KSR2: variants seen among roughly 807,000 people sequenced by gnomAD.
The protein encoded by KSR2 is kinase suppressor of ras 2.
KSR2 carries 25 observed loss-of-function variants against 107.8 expected under a neutral mutation model. That is an observed-to-expected ratio of 0.23 (90% CI 0.17 to 0.32). The LOEUF is 0.32. Ranked by LOEUF, KSR2 falls within the 10% of genes least tolerant of loss-of-function variation. The probability of loss-of-function intolerance (pLI) is 1.00; values close to 1 mark genes in which losing one functional copy is unlikely to be tolerated. For missense variants in KSR2, 887 were observed against 1,268.9 expected (o/e 0.70, Z 4.57); for synonymous variants, 480 against 507.0 (o/e 0.95, Z 0.71).
intron 14 of KSR2, 54 bp from the exon 15 acceptor site, chr12:117,485,745 C>T (rs1872427589): frequency 8.2e-7 from 1 of 1,222,120 alleles, no homozygotes; most frequent in Admixed American, 1.7e-5. Context: ...AAGAAGGTGA[C>T]CCACAACAGT....
At chr12:117,531,740 TC>T (rs1309701550) in intron 10 of KSR2, 33 bp from the exon 11 acceptor site, 15 of 1,576,190 alleles carry the variant, frequency 9.5e-6, no homozygotes, top group South Asian at 1.2e-5. Flanking sequence ...AAAGTGAGTG[TC>T]CCCAGGGAGA....
chr12:117,942,306 G>T (rs769847811), intron 1 of KSR2, among the ~76,000 whole-genome samples: 1 of 151,810 alleles, frequency 6.6e-6, no homozygotes. Flanking sequence ...AGCCTACTGC[G>T]CTATCAAACA....
At chr12:117,922,926 G>A (rs1352737546) in intron 1 of KSR2, among the ~76,000 whole-genome samples, 1 of 152,180 alleles carries the variant, frequency 6.6e-6, no homozygotes, top group East Asian at 1.9e-4. Context: ...ACGGTCATCT[G>A]GGGACATACG....
intron 1 of KSR2, among the ~76,000 whole-genome samples, chr12:117,924,939 C>G (rs142999563): frequency 1.3e-5 from 2 of 152,156 alleles, no homozygotes; most frequent in African/African-American, 4.8e-5. Context: ...TTTTAAAAGG[C>G]CTTACCTGTT....
chr12:117,472,657 T>C (rs1871533106), intron 17 of KSR2, among the ~76,000 whole-genome samples: 2 of 152,166 alleles, frequency 1.3e-5, no homozygotes, highest in South Asian at 4.1e-4. Flanking sequence ...GACAACCTTA[T>C]ACCTCTGGGC....
intron 4 of KSR2, among the ~76,000 whole-genome samples, chr12:117,753,854 C>G (rs979207880): frequency 1.3e-5 from 2 of 150,906 alleles, no homozygotes; most frequent in African/African-American, 4.9e-5. Context: ...ACAAGAACAT[C>G]AGCACATATT....
At chr12:117,800,928 A>T (rs1890811668) in intron 3 of KSR2, among the ~76,000 whole-genome samples, 1 of 151,930 alleles carries the variant, frequency 6.6e-6, no homozygotes, top group Non-Finnish European at 1.5e-5. Context: ...AAGGACATGA[A>T]CTCATTTTTT....
At chr12:117,559,153 G>C (rs1172744429) in intron 7 of KSR2, among the ~76,000 whole-genome samples, 1 of 152,226 alleles carries the variant, frequency 6.6e-6, no homozygotes, top group Admixed American at 6.5e-5. Flanking sequence ...TCTGGGTGCT[G>C]TGGATACCAA....
chr12:117,830,578 A>C (rs932252490), intron 3 of KSR2, among the ~76,000 whole-genome samples: 3 of 152,198 alleles, frequency 2.0e-5, no homozygotes, highest in Non-Finnish European at 4.4e-5. Context: ...GGAACACTGA[A>C]AAGGAGAGAG....
intron 14 of KSR2, among the ~76,000 whole-genome samples, chr12:117,502,524 G>A (rs1290177852): frequency 6.6e-6 from 1 of 152,096 alleles, no homozygotes; most frequent in African/African-American, 2.4e-5. Context: ...GGAATGACTG[G>A]TAATGGGTAT....
chr12:117,954,244 C>T (rs772101461), intron 1 of KSR2, among the ~76,000 whole-genome samples: 7 of 152,158 alleles, frequency 4.6e-5, no homozygotes, highest in Non-Finnish European at 7.3e-5. Context: ...TGAAGGGTCC[C>T]CCCTACCTTT....
At chr12:117,932,269 A>T (rs1346914119) in intron 1 of KSR2, among the ~76,000 whole-genome samples, 2 of 152,154 alleles carry the variant, frequency 1.3e-5, no homozygotes, top group Non-Finnish European at 2.9e-5. Flanking sequence ...CTTGGGTGAC[A>T]AAAGCAAGAC....
At chr12:117,885,784 A>G (rs1000332201) in intron 1 of KSR2, among the ~76,000 whole-genome samples, 1 of 152,018 alleles carries the variant, frequency 6.6e-6, no homozygotes, top group Admixed American at 6.6e-5. Context: ...GCAAACCACC[A>G]TGACACACAT....
chr12:117,860,335 G>T lies in KSR2; in HGVS notation c.277C>A (p.Arg93=). Residue 93 remains arginine (R), a synonymous_variant, in exon 2 of 20, where the codon CGG becomes AGG. Coordinates refer to ENST00000339824, the MANE Select transcript of KSR2 (RefSeq NM_173598.6). ...ACATCGACGATTCGGAACCAGTGCC[G>T]TAGCTGGGGGAAGCCGTCCAGCTCC... The part of the protein sequence containing the change: ...NAELDGFPQL[R]HWFRIVDVRK... 1.2e-6 allele frequency: 2 copies of T among 1,613,800 alleles called. No individual in the cohort carries two copies. Among genetic ancestry groups the T allele is most frequent in the South Asian group, 1.1e-5 (1 of 91,072 alleles).
chr12:117,880,618 C>G (rs1449297161), intron 1 of KSR2, among the ~76,000 whole-genome samples: 1 of 152,004 alleles, frequency 6.6e-6, no homozygotes, highest in Non-Finnish European at 1.5e-5. Context: ...GAAATTTACC[C>G]TAGGCCAAGG....
intron 1 of KSR2, among the ~76,000 whole-genome samples, chr12:117,962,748 A>T (rs749675838): frequency 1.9e-4 from 29 of 151,466 alleles, no homozygotes; most frequent in Non-Finnish European, 2.9e-4. Flanking sequence ...CCTGGCCACC[A>T]TCACCTGTTT....
chr12:117,815,284 T>C (rs967782437), intron 3 of KSR2, among the ~76,000 whole-genome samples: 1 of 152,194 alleles, frequency 6.6e-6, no homozygotes. Context: ...GGGAGACCAG[T>C]TGGATCATTA....
At chr12:117,485,917 A>G (rs1428641106) in intron 14 of KSR2, among the ~76,000 whole-genome samples, 1 of 152,352 alleles carries the variant, frequency 6.6e-6, no homozygotes, top group Non-Finnish European at 1.5e-5. Flanking sequence ...GCTGACCGAC[A>G]AGGACACCCA....
chr12:117,562,301 G>T (rs979967780), intron 7 of KSR2, among the ~76,000 whole-genome samples: 1 of 152,150 alleles, frequency 6.6e-6, no homozygotes, highest in African/African-American at 2.4e-5. Flanking sequence ...TAAGGCAAAG[G>T]GTCTGCATTT....
Sources: gnomAD v4.1 joint callset for allele counts (sites outside exome capture counted in the v4.1 genomes callset) on GRCh38, gnomAD v4.1.1 for gene constraint, MANE v1.5 for transcripts, NCBI Gene and HGNC (gene_info 2026-07-23, HGNC 2026-07-21) for gene names.